The following GPC5 variants were observed in gnomAD, a reference collection of about 807,000 sequenced individuals.
The protein encoded by GPC5 is glypican-5.
In GPC5, 47 loss-of-function variants were observed where a neutral mutation model predicts 53.9. That is an observed-to-expected ratio of 0.87 (90% CI 0.69 to 1.11). The LOEUF (loss-of-function observed/expected upper bound fraction) is 1.11. Among genes scored for constraint, GPC5 ranks in the 50% most tolerant of loss-of-function variants. GPC5 has a pLI of 0.00. For synonymous variants in GPC5, 286 were observed against 263.3 expected, an observed-to-expected ratio of 1.09 and a Z score of -0.84; for missense variants, 748 against 713.1, an observed-to-expected ratio of 1.05 and a Z score of -0.56.
At chr13:92,144,803 T>C (rs750777443) in intron 6 of GPC5, 27 bp from the exon 7 acceptor site, 20 of 1,597,606 alleles carry the variant, frequency 1.3e-5, no homozygotes, top group Non-Finnish European at 1.6e-5. Flanking sequence ...TTGCTATTAG[T>C]AAAGGCCTTT....
chr13:92,614,920 G>A (rs1312877901), intron 7 of GPC5, among the ~76,000 whole-genome samples: 2 of 152,210 alleles, frequency 1.3e-5, no homozygotes, highest in Non-Finnish European at 2.9e-5. Flanking sequence ...TAACTCTCCA[G>A]AAGGGAAACA....
chr13:91,880,681 C>T (rs561469253), intron 5 of GPC5, among the ~76,000 whole-genome samples: 1 of 152,132 alleles, frequency 6.6e-6, no homozygotes, highest in Admixed American at 6.5e-5. Flanking sequence ...TATATTTATA[C>T]TCAAAGCTTG....
intron 6 of GPC5, among the ~76,000 whole-genome samples, chr13:92,017,952 T>A (rs775414862): frequency 6.6e-6 from 1 of 151,114 alleles, no homozygotes; most frequent in Non-Finnish European, 1.5e-5. Flanking sequence ...CACATACACA[T>A]GCACGAGTAC....
At position 92,678,933 on chromosome 13, in the gene GPC5, T is replaced by C. The variant is rs75467430; in HGVS notation, c.1562-187349T>C. On this transcript the variant is annotated intron_variant, in intron 7 of 7. Coordinates refer to ENST00000377067, the MANE Select transcript of GPC5 (RefSeq NM_004466.6). ...AGAGGATTTGGTGTTGAATTTGACA[T>C]GGGATGTGAGTCAAATTTCAGAGCC... is the stretch of plus-strand genomic sequence containing the variant. 2.4e-3 allele frequency among the ~76,000 whole-genome samples: 368 copies of C among 152,232 alleles called. 3 individuals carry two copies. The highest frequency in any genetic ancestry group is 8.3e-3 in the African/African-American group (344 of 41,552).
chr13:91,972,042 A>G (rs1469171966), intron 6 of GPC5, among the ~76,000 whole-genome samples: 2 of 152,166 alleles, frequency 1.3e-5, no homozygotes, highest in African/African-American at 4.8e-5. Context: ...TGTGTCGTTG[A>G]TCTGTCTAAT....
chr13:91,986,060 A>ATT (rs2040404162), intron 6 of GPC5, among the ~76,000 whole-genome samples: 1 of 94,888 alleles, frequency 1.1e-5, no homozygotes, highest in African/African-American at 4.2e-5. Context: ...CTTAGCCAAT[A>ATT]CTTTTTTTTT....
intron 7 of GPC5, among the ~76,000 whole-genome samples, chr13:92,420,923 G>C (rs1256091618): frequency 6.6e-6 from 1 of 151,984 alleles, no homozygotes; most frequent in Non-Finnish European, 1.5e-5. Flanking sequence ...TCCAAATTTT[G>C]GCTACTGTGA....
intron 7 of GPC5, among the ~76,000 whole-genome samples, chr13:92,808,521 C>T (rs187725336): frequency 2.0e-5 from 3 of 152,158 alleles, no homozygotes; most frequent in Non-Finnish European, 2.9e-5. Context: ...CATCTGAGTA[C>T]ATGAAGGTTT....
chr13:91,736,576 C>T (rs1266131506), intron 4 of GPC5, among the ~76,000 whole-genome samples: 1 of 150,646 alleles, frequency 6.6e-6, no homozygotes, highest in Non-Finnish European at 1.5e-5. Context: ...TACTATAACC[C>T]ATTAATTAAA....
chr13:92,388,971 T>G (rs908110456), intron 7 of GPC5, among the ~76,000 whole-genome samples: 2 of 152,148 alleles, frequency 1.3e-5, no homozygotes, highest in Non-Finnish European at 2.9e-5. Flanking sequence ...GATGTTGATA[T>G]TCTGTGAAGT....
chr13:92,153,811 T>C (rs761161424), intron 7 of GPC5, among the ~76,000 whole-genome samples: 5 of 152,242 alleles, frequency 3.3e-5, no homozygotes, highest in Non-Finnish European at 7.3e-5. Context: ...ATCTAAAGGA[T>C]AGAAGTAAAA....
chr13:92,087,539 A>C (rs2041345308), intron 6 of GPC5, among the ~76,000 whole-genome samples: 3 of 152,198 alleles, frequency 2.0e-5, no homozygotes, highest in Non-Finnish European at 4.4e-5. Context: ...AGGAAATGAC[A>C]TATTCTCTTT....
At chr13:91,411,617 G>C (rs148527485) in intron 1 of GPC5, among the ~76,000 whole-genome samples, 1,574 of 152,274 alleles carry the variant, frequency 0.01, 9 homozygotes, top group Admixed American at 0.015. Flanking sequence ...AGCTCCTGTT[G>C]AGTGTCCTCA....
At chr13:92,324,594 A>T (rs913300135) in intron 7 of GPC5, among the ~76,000 whole-genome samples, 1 of 151,928 alleles carries the variant, frequency 6.6e-6, no homozygotes, top group African/African-American at 2.4e-5. Context: ...CATAATAAAT[A>T]ACTGAAAGTC....
chr13:92,122,211 G>T (rs2041655383), intron 6 of GPC5, among the ~76,000 whole-genome samples: 2 of 151,842 alleles, frequency 1.3e-5, no homozygotes, highest in South Asian at 4.1e-4. Context: ...GGTGCCTTTT[G>T]TCTTTGCAGT....
At chr13:92,685,097 A>ATTTATTTATTTG (rs1397012084) in intron 7 of GPC5, among the ~76,000 whole-genome samples, 19 of 151,300 alleles carry the variant, frequency 1.3e-4, no homozygotes, top group Admixed American at 7.3e-4. Context: ...CTATTTATTT[A>ATTTATTTATTTG]TTTATTTATT....
chr13:92,257,897 T>A (rs2042739216), intron 7 of GPC5, among the ~76,000 whole-genome samples: 1 of 152,116 alleles, frequency 6.6e-6, no homozygotes, highest in Admixed American at 6.6e-5. Context: ...AACTCATGAA[T>A]GAAGTGAACT....
At chr13:92,537,848 C>A (rs1392811702) in intron 7 of GPC5, among the ~76,000 whole-genome samples, 1 of 152,084 alleles carries the variant, frequency 6.6e-6, no homozygotes, top group African/African-American at 2.4e-5. Context: ...TATAAAGACA[C>A]TGAATAAATC....
intron 2 of GPC5, among the ~76,000 whole-genome samples, chr13:91,603,736 G>T (rs561562204): frequency 6.6e-6 from 1 of 152,154 alleles, no homozygotes; most frequent in South Asian, 2.1e-4. Flanking sequence ...TTTTCAAAAA[G>T]TATTTAATGA....
Sources: gnomAD v4.1 joint callset for allele counts (sites outside exome capture counted in the v4.1 genomes callset) on GRCh38, gnomAD v4.1.1 for gene constraint, MANE v1.5 for transcripts, NCBI Gene and HGNC (gene_info 2026-07-23, HGNC 2026-07-21) for gene names.